Variants in LILRA6 observed in about 807,000 individuals in gnomAD.
LILRA6 encodes leukocyte immunoglobulin-like receptor subfamily A member 6.
LILRA6 carries 16 observed loss-of-function variants against 53.9 expected under a neutral mutation model. That is an observed-to-expected ratio of 0.30 (90% CI 0.20 to 0.45). The LOEUF is 0.45. Ranked by LOEUF, LILRA6 falls within the 20% of genes least tolerant of loss-of-function variation. The probability of loss-of-function intolerance (pLI) is 1.00; values close to 1 mark genes in which losing one functional copy is unlikely to be tolerated. For missense variants in LILRA6, 306 were observed against 618.6 expected (o/e 0.49, Z 5.36); for synonymous variants, 135 against 256.4 (o/e 0.53, Z 4.52).
chr19:54,239,531 C>G (rs1280564478), intron 7 of LILRA6: 4 of 737,432 alleles, frequency 5.4e-6, no homozygotes, highest in Non-Finnish European at 8.7e-6. Flanking sequence ...TCCCAGAGCT[C>G]TCCTGGGTGC....
chr19:54,241,640 G>A, exon 4 of LILRA6: 1 of 1,501,092 alleles, frequency 6.7e-7, no homozygotes, highest in Non-Finnish European at 9.1e-7. Flanking sequence ...TCATATAATA[G>A]TAATAGCATG....
chr19:54,237,686 G>A (rs1183092673), downstream of LILRA6: 3 of 150,702 alleles, frequency 2.0e-5, 1 homozygote, highest in African/African-American at 7.5e-5. Context: ...TCTATTTTGA[G>A]TTTGCCTCCC....
downstream of LILRA6, chr19:54,237,558 G>A (rs4399657): frequency 0.34 from 51,232 of 149,392 alleles, 5,596 homozygotes; most frequent in Middle Eastern, 0.45. Context: ...GAAAGTCAGC[G>A]TTCCAGTGCC....
At position 54,241,649 on chromosome 19, in the gene LILRA6, T is replaced by C. The variant is rs61734498; in HGVS notation, c.585A>G (p.Thr195=). Residue 195 remains threonine, a synonymous_variant, in exon 4 of 8, where the codon ACA becomes ACG. Coordinates refer to ENST00000396365, the Ensembl canonical transcript of LILRA6. Reference sequence around the variant, plus strand: ...GGGTGTTCATATAATAGTAATAGCATGTGAACCTCCACCTGTGGCTGGGGT... The same window carrying C: ...GGGTGTTCATATAATAGTAATAGCACGTGAACCTCCACCTGTGGCTGGGGT... 8,875 of 1,505,430 alleles carry C rather than the reference T, an allele frequency of 5.9e-3. 1,279 individuals carry two copies. In the African/African-American group the frequency reaches 0.11, roughly 19 times the overall value. 93.3% of individuals were successfully genotyped at this position (1,505,430 alleles called of 1,614,324 possible). A position where few individuals can be genotyped will look rare whatever the true frequency, so the allele number is the denominator to read the frequency against.
At chr19:54,239,502 A>T in intron 7 of LILRA6, 1 of 654,588 alleles carries the variant, frequency 1.5e-6, no homozygotes, top group Non-Finnish European at 2.5e-6. Context: ...CTCCACCTTC[A>T]CTCCCTTCTT....
At chr19:54,238,731 A>G (rs1271220097) in exon 8 of LILRA6, 6 of 727,456 alleles carry the variant, frequency 8.2e-6, no homozygotes, top group South Asian at 4.7e-5. Context: ...ACACTCACCC[A>G]TGAGCTCTTT....
chr19:54,239,180 C>T (rs10401694), intron 7 of LILRA6, 91 bp from the exon 8 acceptor site: 242,118 of 1,580,650 alleles, frequency 0.15, 22,760 homozygotes, highest in South Asian at 0.32. Flanking sequence ...ACCCCCCATC[C>T]GCCATTGACA....
At chr19:54,239,631 C>CAGCAGG in intron 7 of LILRA6, 226 of 1,403,586 alleles carry the variant, frequency 1.6e-4, no homozygotes, top group South Asian at 2.4e-4. Context: ...TGGCCTGACC[C>CAGCAGG]TGGGGGGTTG....
At position 54,239,051 on chromosome 19, in the gene LILRA6, G is replaced by A. The variant is rs190587332; in HGVS notation, c.1348C>T (p.Arg450Cys). 379 of 1,611,414 alleles carry A rather than the reference G, an allele frequency of 2.4e-4. 11 individuals carry two copies. The highest frequency in any genetic ancestry group is 7.5e-4 in the Admixed American group (45 of 59,904). The change falls in exon 8 of 8, where the codon CGC becomes TGC. Residue 450 changes from arginine (R) to cysteine (C), a missense_variant. Arg to Cys is a radical substitution (Grantham distance 180). This residue lies in a region of LILRA6 where 59 missense variants were observed against 58.6 expected (regional missense o/e 1.01). Transcript: ENST00000396365. ...AGGACCAAGCCTGCCATGCCCATGCGGATGAGATTCTCCACTGTGTAATCC... is the reference window on the plus strand; with the variant it reads ...AGGACCAAGCCTGCCATGCCCATGCAGATGAGATTCTCCACTGTGTAATCC...
rs1345625017 is a variant in LILRA6 at position 54,239,108 on chromosome 19, G to C, written c.1310-19C>G. On this transcript the variant is annotated intron_variant, in intron 7 of 7. Coordinates refer to ENST00000396365, the Ensembl canonical transcript of LILRA6. ...TGTGAGGCTGGGGATGGTGGGCAAA[G>C]AGGTCACAGAGGTCCGGGCAGATCA... is the stretch of plus-strand genomic sequence containing the variant. 5.6e-6 allele frequency: 9 copies of C among 1,610,662 alleles called. No individual in the cohort carries two copies. The highest frequency in any genetic ancestry group is 6.8e-6 in the Non-Finnish European group (8 of 1,179,290).
chr19:54,238,972 T>TG lies in LILRA6; in HGVS notation c.1426dup (p.Gln476ProfsTer26), dbSNP rs1273901773. The TG allele has an allele frequency of 3.7e-6, 6 of 1,611,094 alleles. No homozygotes were observed. Among genetic ancestry groups the TG allele is most frequent in the Admixed American group, 3.3e-5 (2 of 59,878 alleles). ...CGCTGTTCACCTCCCGGCTGCATCTTGGGGGTTTCTCTGGCTGTGCTGAGC... is the reference window on the plus strand; with the variant it reads ...CGCTGTTCACCTCCCGGCTGCATCTTGGGGGGTTTCTCTGGCTGTGCTGAGC... On this transcript the variant is annotated frameshift_variant, in exon 8 of 8. Coordinates refer to ENST00000396365, the Ensembl canonical transcript of LILRA6. LOFTEE classifies it high-confidence loss of function.
chr19:54,240,266 G>C lies in LILRA6; in HGVS notation c.1258+8C>G. The C allele has an allele frequency of 6.3e-7, 1 of 1,595,008 alleles. No individual in the cohort carries two copies. The highest frequency in any genetic ancestry group is 8.5e-7 in the Non-Finnish European group (1 of 1,176,654). On this transcript the variant is annotated splice_region_variant and intron_variant, in intron 6 of 7. Coordinates refer to ENST00000396365, the Ensembl canonical transcript of LILRA6. ...TGAGCTCAGAGAGGACGGGGTCAGCGCCCTCACCTGAGACCATGAGTTCCA... is the reference window on the plus strand; with the variant it reads ...TGAGCTCAGAGAGGACGGGGTCAGCCCCCTCACCTGAGACCATGAGTTCCA...
downstream of LILRA6, chr19:54,237,508 G>A (rs1371584517): frequency 3.3e-5 from 5 of 150,938 alleles, no homozygotes; most frequent in African/African-American, 1.2e-4. Flanking sequence ...AAAATTATGT[G>A]ATTTACCAAT....
In LILRA6 at chr19:54,239,042, T is replaced by A. The variant is rs199554536; in HGVS notation, c.1357A>T (p.Met453Leu). 4.3e-6 allele frequency: 7 copies of A among 1,611,208 alleles called. 1 individual carries two copies. Among genetic ancestry groups the A allele is most frequent in the African/African-American group, 2.7e-5 (2 of 73,100 alleles). The change falls in exon 8 of 8, where the codon ATG becomes TTG. Residue 453 changes from methionine to leucine, a missense_variant. Around this residue, in one of 9 missense-constraint regions of LILRA6, gnomAD observed 59 missense variants for 58.6 expected, o/e 1.01. Transcript: ENST00000396365. ...AGGAACACCAGGACCAAGCCTGCCA[T>A]GCCCATGCGGATGAGATTCTCCACT...
At chr19:54,236,712 A>G (rs2078646310), downstream of LILRA6, 1 of 151,046 alleles carries the variant, frequency 6.6e-6, no homozygotes, top group Non-Finnish European at 1.5e-5. Context: ...ATGAAATAAT[A>G]TTCAGGCATA....
chr19:54,239,531 C>T, intron 7 of LILRA6: 1 of 737,550 alleles, frequency 1.4e-6, no homozygotes. Context: ...TCCCAGAGCT[C>T]TCCTGGGTGC....
chr19:54,240,287 T>C (rs3193486), exon 6 of LILRA6: 130,498 of 1,247,928 alleles, frequency 0.1, 3,003 homozygotes, highest in African/African-American at 0.38. Flanking sequence ...AGACCATGAG[T>C]TCCAGGGGCT....
Position 54,241,895 on chromosome 19 carries a change from C to G in LILRA6, c.356-17G>C. The G allele has an allele frequency of 7.8e-7, 1 of 1,289,718 alleles. No individual in the cohort carries two copies. The highest frequency in any genetic ancestry group is 1.6e-5 in the South Asian group (1 of 61,966). 79.9% of individuals were successfully genotyped at this position (1,289,718 alleles called of 1,614,324 possible). A position where few individuals can be genotyped will look rare whatever the true frequency, so the allele number is the denominator to read the frequency against. On this transcript the variant is annotated splice_polypyrimidine_tract_variant and intron_variant, in intron 3 of 7. Transcript: ENST00000396365. Reference sequence around the variant, plus strand: ...TATAGGCTCCTAGGAGAGAAAGAGGCACCATGTTAAATGGGGCTCCCACCT... The same window carrying G: ...TATAGGCTCCTAGGAGAGAAAGAGGGACCATGTTAAATGGGGCTCCCACCT...
At chr19:54,236,985 A>C (rs1244024494), downstream of LILRA6, 2 of 150,964 alleles carry the variant, frequency 1.3e-5, no homozygotes, top group African/African-American at 2.5e-5. Flanking sequence ...CTGAGAGCTC[A>C]GTAGGGTGAC....
Sources: gnomAD v4.1 joint callset for allele counts on GRCh38, gnomAD v4.1.1 for gene constraint, gnomAD v4.1.1 regional missense constraint, MANE v1.5 for transcripts, NCBI Gene and HGNC (gene_info 2026-07-23, HGNC 2026-07-21) for gene names.